L3MBTL4: variants seen among roughly 807,000 people sequenced by gnomAD.
The protein encoded by L3MBTL4 is L3MBTL histone methyl-lysine binding protein 4.
L3MBTL4 carries 70 observed loss-of-function variants against 84.5 expected under a neutral mutation model. That is an observed-to-expected ratio of 0.83 (90% CI 0.68 to 1.01). The LOEUF (loss-of-function observed/expected upper bound fraction) is 1.01, where lower values mean the gene tolerates loss of function less well. Among genes scored for constraint, L3MBTL4 ranks in the 50% least tolerant of loss-of-function variants. The probability of loss-of-function intolerance (pLI) is 0.00; values close to 1 mark genes in which losing one functional copy is unlikely to be tolerated. For missense variants in L3MBTL4, 715 were observed against 754.8 expected (o/e 0.95, Z 0.62); for synonymous variants, 274 against 259.8 (o/e 1.05, Z -0.52).
intron 16 of L3MBTL4, among the ~76,000 whole-genome samples, chr18:6,027,399 G>A (rs2055561086): frequency 6.6e-6 from 1 of 152,186 alleles, no homozygotes; most frequent in African/African-American, 2.4e-5. Context: ...GTATTCCATG[G>A]TCCATATGTG....
chr18:6,157,735 T>A (rs1428614469), intron 13 of L3MBTL4, among the ~76,000 whole-genome samples: 3 of 152,214 alleles, frequency 2.0e-5, no homozygotes, highest in East Asian at 1.9e-4. Context: ...ATATATATAT[T>A]TTAGTTTGTA....
In L3MBTL4 at chr18:6,357,018, T is replaced by C. The variant is rs903856081; in HGVS notation, c.-90-44962A>G. 2.0e-5 allele frequency among the ~76,000 whole-genome samples: 3 copies of C among 152,294 alleles called. 1 individual carries two copies. Among genetic ancestry groups the C allele is most frequent in the East Asian group, 1.9e-4 (1 of 5,178 alleles). ...CTTTCAGCTCTGTTATAATCTTACG[T>C]GATCATATATGCATATGGGTGTCAT... On this transcript the variant is annotated intron_variant, in intron 1 of 18. Transcript: ENST00000317931.
intron 16 of L3MBTL4, among the ~76,000 whole-genome samples, chr18:5,982,480 T>G (rs983421815): frequency 6.6e-6 from 1 of 152,142 alleles, no homozygotes; most frequent in Non-Finnish European, 1.5e-5. Context: ...AATTCACACC[T>G]TTCAATTAGA....
chr18:6,405,509 C>T (rs904022945), intron 1 of L3MBTL4, among the ~76,000 whole-genome samples: 1 of 152,216 alleles, frequency 6.6e-6, no homozygotes, highest in Admixed American at 6.5e-5. Flanking sequence ...TTGGAAAGCA[C>T]ACTCACTCCC....
intron 1 of L3MBTL4, among the ~76,000 whole-genome samples, chr18:6,406,036 A>G (rs2055721650): frequency 6.6e-6 from 1 of 152,226 alleles, no homozygotes; most frequent in African/African-American, 2.4e-5. Flanking sequence ...TACTGGCTTC[A>G]TGATTTCCAA....
chr18:6,045,454 GTTTA>G (rs990716415), intron 16 of L3MBTL4, among the ~76,000 whole-genome samples: 5 of 147,860 alleles, frequency 3.4e-5, no homozygotes, highest in Non-Finnish European at 7.6e-5. Flanking sequence ...AAAGAAAGAA[GTTTA>G]TTGGACTTAC....
At chr18:6,078,484 G>C (rs953561051) in intron 16 of L3MBTL4, among the ~76,000 whole-genome samples, 11 of 150,204 alleles carry the variant, frequency 7.3e-5, no homozygotes, top group African/African-American at 2.7e-4. Context: ...CATGGGTACT[G>C]GATATTATGA....
chr18:6,052,140 G>C (rs748035333), intron 16 of L3MBTL4, among the ~76,000 whole-genome samples: 1 of 152,184 alleles, frequency 6.6e-6, no homozygotes, highest in East Asian at 1.9e-4. Flanking sequence ...AGAACTTAGA[G>C]AAATATTTAG....
At chr18:6,086,817 C>A (rs780789136) in intron 15 of L3MBTL4, among the ~76,000 whole-genome samples, 3 of 152,188 alleles carry the variant, frequency 2.0e-5, no homozygotes, top group Non-Finnish European at 4.4e-5. Flanking sequence ...ATCTCCCCTA[C>A]CTGAAAATTG....
chr18:5,983,949 A>T (rs688206), intron 16 of L3MBTL4, among the ~76,000 whole-genome samples: 59,337 of 151,978 alleles, frequency 0.39, 14,040 homozygotes, highest in African/African-American at 0.66. Flanking sequence ...TCTTCCTCTA[A>T]CACCCAGGCT....
chr18:6,333,982 C>T (rs947429221), intron 1 of L3MBTL4, among the ~76,000 whole-genome samples: 4 of 152,272 alleles, frequency 2.6e-5, no homozygotes, highest in African/African-American at 7.2e-5. Flanking sequence ...TATTAAGTGG[C>T]CATAAAGCAT....
intron 16 of L3MBTL4, among the ~76,000 whole-genome samples, chr18:6,033,031 T>C (rs1598494927): frequency 6.6e-6 from 1 of 152,344 alleles, no homozygotes; most frequent in South Asian, 2.1e-4. Flanking sequence ...ATCGGTTAGA[T>C]AGCTGCTTCA....
chr18:6,261,583 T>C (rs769230456), intron 5 of L3MBTL4, among the ~76,000 whole-genome samples: 2 of 152,164 alleles, frequency 1.3e-5, no homozygotes, highest in Non-Finnish European at 2.9e-5. Context: ...GTCATCCCTC[T>C]ATAAAGTCAA....
chr18:6,137,048 C>T (rs949947719), intron 14 of L3MBTL4, among the ~76,000 whole-genome samples: 1 of 152,192 alleles, frequency 6.6e-6, no homozygotes, highest in Non-Finnish European at 1.5e-5. Context: ...CACTCTTGCT[C>T]AAAAACTTGC....
At chr18:6,366,739 A>C (rs1335550763) in intron 1 of L3MBTL4, among the ~76,000 whole-genome samples, 1 of 152,238 alleles carries the variant, frequency 6.6e-6, no homozygotes, top group African/African-American at 2.4e-5. Flanking sequence ...AACTCAGCTA[A>C]GTGCAGATGT....
chr18:6,219,543 G>A (rs771625865), intron 10 of L3MBTL4, among the ~76,000 whole-genome samples: 63 of 146,984 alleles, frequency 4.3e-4, no homozygotes, highest in African/African-American at 8.9e-4. Flanking sequence ...GAACCAAAGC[G>A]TGGAAAAAGT....
chr18:6,351,644 C>T (rs373822423), intron 1 of L3MBTL4, among the ~76,000 whole-genome samples: 2,789 of 152,060 alleles, frequency 0.018, 91 homozygotes, highest in African/African-American at 0.064. Flanking sequence ...CTCCGCCTCC[C>T]GGGTTCACGC....
chr18:5,970,637 A>G (rs2052594071), intron 16 of L3MBTL4, among the ~76,000 whole-genome samples: 1 of 152,234 alleles, frequency 6.6e-6, no homozygotes, highest in African/African-American at 2.4e-5. Context: ...AGACCACAAA[A>G]GGAAATGTTT....
intron 13 of L3MBTL4, among the ~76,000 whole-genome samples, chr18:6,169,453 C>G (rs545046447): frequency 0.02 from 3,002 of 152,072 alleles, 33 homozygotes; most frequent in Non-Finnish European, 0.031. Context: ...TGATAGACTG[C>G]ATTAAGAAAA....
Sources: gnomAD v4.1 joint callset for allele counts (sites outside exome capture counted in the v4.1 genomes callset) on GRCh38, gnomAD v4.1.1 for gene constraint, MANE v1.5 for transcripts, NCBI Gene and HGNC (gene_info 2026-07-23, HGNC 2026-07-21) for gene names.